PACS1: variants seen among roughly 807,000 people sequenced by gnomAD.
PACS1 encodes the protein PACS-1.
Under a neutral mutation model 115.0 loss-of-function variants are expected in PACS1, and 24 were observed. The ratio of observed to expected loss-of-function variants is 0.21; its 90% CI spans 0.15 to 0.29. The LOEUF (loss-of-function observed/expected upper bound fraction) is 0.29, where lower values mean the gene tolerates loss of function less well. PACS1 is among the 10% of genes least tolerant of loss of function. PACS1 has a pLI of 1.00. For synonymous variants in PACS1, 453 were observed against 504.5 expected (o/e 0.90, Z 1.37); for missense variants, 838 against 1,251.2 (o/e 0.67, Z 4.98).
intron 1 of PACS1, among the ~76,000 whole-genome samples, chr11:66,126,265 G>A (rs1858569066): frequency 6.6e-6 from 1 of 152,196 alleles, no homozygotes; most frequent in Non-Finnish European, 1.5e-5. Flanking sequence ...GAAAGTGAGA[G>A]TTCCTTGTTT....
chr11:66,210,418 G>A lies in PACS1; in HGVS notation c.501G>A (p.Val167=). ...NEIVLPASGL[V]ETELQLTFSL... ...TCGTCCTTCCAGCTAGTGGACTGGT[G>A]GAAACAGAGCTCCAATTAACCTTCT... is the stretch of plus-strand genomic sequence containing the variant. The change falls in exon 3 of 24, where the codon GTG becomes GTA. Residue 167 remains valine, a synonymous_variant. Transcript: ENST00000320580. 6.2e-7 allele frequency: 1 copy of A among 1,613,760 alleles called. No individual in the cohort carries two copies. Among genetic ancestry groups the A allele is most frequent in the Non-Finnish European group, 8.5e-7 (1 of 1,179,718 alleles).
At chr11:66,145,364 A>G (rs1414824312) in intron 1 of PACS1, among the ~76,000 whole-genome samples, 2 of 152,168 alleles carry the variant, frequency 1.3e-5, no homozygotes, top group African/African-American at 2.4e-5. Flanking sequence ...GATTTGGAGC[A>G]GGTGAAAAGC....
chr11:66,179,776 T>A (rs1859957851), intron 1 of PACS1, among the ~76,000 whole-genome samples: 1 of 152,222 alleles, frequency 6.6e-6, no homozygotes, highest in Non-Finnish European at 1.5e-5. Flanking sequence ...TTTCTTTAAG[T>A]GCCCTTTAAC....
intron 1 of PACS1, among the ~76,000 whole-genome samples, chr11:66,136,130 A>C (rs1858838054): frequency 6.6e-6 from 1 of 152,156 alleles, no homozygotes. Flanking sequence ...CCTACGGGTT[A>C]TGTGGCTATG....
Position 66,243,248 on chromosome 11 carries a change from G to A in PACS1, c.2860G>A (p.Val954Met). Residue 954 changes from valine to methionine, a missense_variant, in exon 24 of 24, where the codon GTG (valine) becomes ATG (methionine). Physicochemically the swap from Val to Met is conservative, Grantham distance 21. This residue lies in a region of PACS1 where 84 missense variants were observed against 187.1 expected (regional missense o/e 0.45). Coordinates refer to ENST00000320580, the MANE Select transcript of PACS1 (RefSeq NM_018026.4). ...QWPTHVKHFP[V>M]GLFSGSKAT Reference sequence around the variant, plus strand: ...GCCCACCCATGTCAAGCACTTTCCAGTGGGACTCTTCAGTGGCAGCAAGGC... The same window carrying A: ...GCCCACCCATGTCAAGCACTTTCCAATGGGACTCTTCAGTGGCAGCAAGGC... 1.2e-6 allele frequency: 2 copies of A among 1,610,388 alleles called. No individual in the cohort carries two copies. The highest frequency in any genetic ancestry group is 1.1e-5 in the South Asian group (1 of 90,378).
intron 1 of PACS1, among the ~76,000 whole-genome samples, chr11:66,086,822 G>A (rs929322178): frequency 3.3e-5 from 5 of 151,752 alleles, no homozygotes; most frequent in African/African-American, 1.2e-4. Context: ...TCACCAAGTT[G>A]GTCAGGCTGA....
intron 2 of PACS1, among the ~76,000 whole-genome samples, chr11:66,205,852 A>T (rs1854922874): frequency 6.6e-6 from 1 of 152,194 alleles, no homozygotes; most frequent in Non-Finnish European, 1.5e-5. Context: ...AAGCATTTAA[A>T]ACAGCAGTAA....
chr11:66,078,296 C>T (rs1164736026), intron 1 of PACS1, among the ~76,000 whole-genome samples: 1 of 152,166 alleles, frequency 6.6e-6, no homozygotes, highest in Non-Finnish European at 1.5e-5. Context: ...TTAGTGACCT[C>T]GTATAAATAT....
intron 21 of PACS1, among the ~76,000 whole-genome samples, chr11:66,240,635 A>G (rs1430372325): frequency 2.0e-5 from 3 of 151,968 alleles, no homozygotes; most frequent in Non-Finnish European, 2.9e-5. Flanking sequence ...CACGCAGCCA[A>G]GTTCTGCCCT....
chr11:66,237,337 C>G (rs577606371), intron 19 of PACS1, among the ~76,000 whole-genome samples: 85 of 152,386 alleles, frequency 5.6e-4, no homozygotes, highest in Non-Finnish European at 8.8e-5. Context: ...GCTGGGATTA[C>G]AGGCGTGAGC....
chr11:66,138,033 A>G (rs1232514566), intron 1 of PACS1, among the ~76,000 whole-genome samples: 2 of 152,102 alleles, frequency 1.3e-5, no homozygotes, highest in African/African-American at 2.4e-5. Context: ...CACCCAGCAT[A>G]AAATGCAAAT....
At chr11:66,085,258 AGG>A (rs1370951899) in intron 1 of PACS1, among the ~76,000 whole-genome samples, 1 of 152,066 alleles carries the variant, frequency 6.6e-6, no homozygotes, top group Non-Finnish European at 1.5e-5. Context: ...TGCACTTCCT[AGG>A]AGCTGCTCTG....
At chr11:66,169,566 A>ATTTTTT (rs59176258) in intron 1 of PACS1, among the ~76,000 whole-genome samples, 4 of 115,276 alleles carry the variant, frequency 3.5e-5, no homozygotes, top group South Asian at 2.7e-4. Flanking sequence ...CGCCCGGCTA[A>ATTTTTT]TTTTTTTTTT....
intron 1 of PACS1, among the ~76,000 whole-genome samples, chr11:66,120,759 G>A (rs1858417982): frequency 6.6e-6 from 1 of 152,158 alleles, no homozygotes; most frequent in Non-Finnish European, 1.5e-5. Context: ...GCTTAGCATG[G>A]TACCTAAGTA....
intron 2 of PACS1, among the ~76,000 whole-genome samples, chr11:66,200,737 A>G (rs1470197272): frequency 6.6e-6 from 1 of 152,200 alleles, no homozygotes; most frequent in Non-Finnish European, 1.5e-5. Context: ...AGCATTGGAA[A>G]GATCATCCAG....
At chr11:66,215,947 T>A (rs1173547818) in intron 4 of PACS1, among the ~76,000 whole-genome samples, 172 bp from the exon 5 acceptor site, 1 of 140,310 alleles carries the variant, frequency 7.1e-6, no homozygotes, top group African/African-American at 2.8e-5. Flanking sequence ...ATAATAATAA[T>A]AATAAACAAA....
intron 1 of PACS1, chr11:66,121,105 T>C: frequency 2.2e-6 from 1 of 455,754 alleles, no homozygotes; most frequent in Non-Finnish European, 4.4e-6. Flanking sequence ...TAGCATGTGC[T>C]TACTTTGTAT....
At chr11:66,123,961 G>A (rs526852) in intron 1 of PACS1, among the ~76,000 whole-genome samples, 72,280 of 151,882 alleles carry the variant, frequency 0.48, 18,454 homozygotes, top group South Asian at 0.63. Context: ...TATTGCAGTG[G>A]TCTGGAACTA....
At chr11:66,134,594 A>G (rs1858798346) in intron 1 of PACS1, among the ~76,000 whole-genome samples, 1 of 151,934 alleles carries the variant, frequency 6.6e-6, no homozygotes, top group South Asian at 2.1e-4. Flanking sequence ...ATCTGGCTGT[A>G]AAAGCATTTC....
Sources: allele counts gnomAD v4.1 joint callset (sites outside exome capture counted in the v4.1 genomes callset), GRCh38; gene constraint gnomAD v4.1.1; regional missense constraint gnomAD v4.1.1; transcripts MANE v1.5; gene names NCBI Gene and HGNC (gene_info 2026-07-23, HGNC 2026-07-21).